HECTD2: variants seen among roughly 807,000 people sequenced by gnomAD.
HECTD2 encodes probable E3 ubiquitin-protein ligase HECTD2.
In HECTD2, 35 loss-of-function variants were observed where a neutral mutation model predicts 103.2. The observed-to-expected ratio is 0.34, with a 90% confidence interval of 0.26 to 0.45. The LOEUF (loss-of-function observed/expected upper bound fraction) is 0.45, where lower values mean the gene tolerates loss of function less well. Ranked by LOEUF, HECTD2 falls within the 20% of genes least tolerant of loss-of-function variation. The pLI, the probability that HECTD2 is intolerant of heterozygous loss-of-function variation, is 1.00. For synonymous variants in HECTD2, 281 were observed against 329.9 expected (o/e 0.85, Z 1.61); for missense variants, 596 against 937.4 (o/e 0.64, Z 4.76).
rs1846467944 is a variant in HECTD2, at chr10:91,491,276, G to A, written c.1268G>A (p.Arg423Gln). 6.4e-7 allele frequency: 1 copy of A among 1,555,662 alleles called. No individual in the cohort carries two copies. The highest frequency in any genetic ancestry group is 8.8e-7 in the Non-Finnish European group (1 of 1,135,262). Residue 423 changes from arginine to glutamine, a missense_variant, in exon 12 of 21, where the codon CGG becomes CAG. Arg to Gln is a conservative substitution (Grantham distance 43). Around this residue, in one of 4 missense-constraint regions of HECTD2, gnomAD observed 303 missense variants for 522.5 expected, o/e 0.58. Transcript: ENST00000298068. The part of the protein sequence containing the change: ...NILFLNMKVR[R>Q]THLVSDSLDE... ...TTATTTCTAAATATGAAAGTAAGAC[G>A]GACACATCTGGTTAGCGATTCACTT...
intron 2 of HECTD2, among the ~76,000 whole-genome samples, chr10:91,427,898 A>G (rs1843643030): frequency 6.6e-6 from 1 of 151,370 alleles, no homozygotes; most frequent in Admixed American, 6.6e-5. Flanking sequence ...CCATTTGTCA[A>G]TTTTGTCTTT....
intron 2 of HECTD2, among the ~76,000 whole-genome samples, chr10:91,459,937 A>G (rs531163822): frequency 6.6e-6 from 1 of 152,256 alleles, no homozygotes; most frequent in East Asian, 1.9e-4. Context: ...GTAGTAGGCT[A>G]TACCATCTAG....
intron 2 of HECTD2, among the ~76,000 whole-genome samples, chr10:91,453,767 C>G (rs549348633): frequency 7.2e-5 from 11 of 152,058 alleles, no homozygotes; most frequent in Admixed American, 5.2e-4. Flanking sequence ...AAACATGACC[C>G]AACTGTTTTC....
Position 91,425,338 on chromosome 10 carries a change from G to A in HECTD2, c.196G>A (p.Val66Ile). 1.3e-6 allele frequency: 2 copies of A among 1,547,718 alleles called. No homozygotes were observed. Among genetic ancestry groups the A allele is most frequent in the Non-Finnish European group, 1.8e-6 (2 of 1,140,684 alleles). Residue 66 changes from valine to isoleucine, a missense_variant, in exon 2 of 21, where the codon GTT becomes ATT. By Grantham distance (29) the Val-to-Ile change is conservative (BLOSUM62 3). Transcript: ENST00000298068. The part of the protein sequence containing the change: ...ISTFSSFISA[V>I]SPKKEAAENR... ...CACTTTCAGCAGTTTTATTTCAGCT[G>A]TTAGCCCGAAGAAAGAAGCTGCTGA...
intron 14 of HECTD2, among the ~76,000 whole-genome samples, chr10:91,495,485 A>C (rs1846633023): frequency 6.6e-6 from 1 of 152,080 alleles, no homozygotes. Context: ...ATGATCCTAT[A>C]AAATGAATTA....
chr10:91,437,382 A>T (rs1258007477), intron 2 of HECTD2, among the ~76,000 whole-genome samples: 1 of 152,048 alleles, frequency 6.6e-6, no homozygotes, highest in African/African-American at 2.4e-5. Flanking sequence ...TGGTGACGGA[A>T]TTCCAAAGAC....
chr10:91,428,518 G>T (rs1589468064), intron 2 of HECTD2, among the ~76,000 whole-genome samples: 1 of 151,048 alleles, frequency 6.6e-6, no homozygotes, highest in Non-Finnish European at 1.5e-5. Flanking sequence ...AGCATGGAAT[G>T]TTCTTCCATT....
At chr10:91,505,460 AG>A (rs1450012072) in intron 20 of HECTD2, among the ~76,000 whole-genome samples, 1 of 151,768 alleles carries the variant, frequency 6.6e-6, no homozygotes, top group Non-Finnish European at 1.5e-5. Flanking sequence ...AAAAAAAGGC[AG>A]GGGTTGCAAT....
Position 91,410,503 on chromosome 10 carries a change from A to T in HECTD2, c.65A>T (p.Glu22Val), listed in dbSNP as rs774014090. ...CTGGTGGTGGCGGCGCCCGCGCCTG[A>T]GGAGAGGAAAGGGAAGGAGTCAGAG... Reference protein sequence around the residue: ...TPLVVAAPAPEERKGKESERE... With the variant: ...TPLVVAAPAPVERKGKESERE... Residue 22 changes from glutamate to valine, a missense_variant, in exon 1 of 21, where the codon GAG (glutamate) becomes GTG (valine). Physicochemically the swap from Glu to Val is moderately radical, Grantham distance 121. Around this residue, in one of 4 missense-constraint regions of HECTD2, gnomAD observed 220 missense variants for 233.9 expected, o/e 0.94. Transcript: ENST00000298068. 6.8e-7 allele frequency: 1 copy of T among 1,474,184 alleles called. No homozygotes were observed. The highest frequency in any genetic ancestry group is 2.9e-5 in the East Asian group (1 of 34,288). The allele number at this position is 1,474,184 out of a possible 1,614,324, so 91.3% of individuals were successfully genotyped here. A position where few individuals can be genotyped will look rare whatever the true frequency, so the allele number is the denominator to read the frequency against.
intron 2 of HECTD2, among the ~76,000 whole-genome samples, chr10:91,440,336 G>C (rs1434234154): frequency 6.6e-6 from 1 of 152,072 alleles, no homozygotes; most frequent in Non-Finnish European, 1.5e-5. Flanking sequence ...TGAGAAAATT[G>C]TGTGGTTTTT....
chr10:91,427,783 TC>T (rs1216634595), intron 2 of HECTD2, among the ~76,000 whole-genome samples: 1 of 152,162 alleles, frequency 6.6e-6, no homozygotes, highest in Non-Finnish European at 1.5e-5. Context: ...GAAAATTTTC[TC>T]CCATTTTGTA....
At chr10:91,473,506 AAG>A (rs1252481806) in intron 5 of HECTD2, among the ~76,000 whole-genome samples, 2 of 152,136 alleles carry the variant, frequency 1.3e-5, no homozygotes, top group Non-Finnish European at 2.9e-5. Context: ...AATGATGAAA[AAG>A]AAATTCATAA....
At chr10:91,499,824 G>T (rs1224035880) in intron 18 of HECTD2, among the ~76,000 whole-genome samples, 3 of 152,148 alleles carry the variant, frequency 2.0e-5, no homozygotes, top group Non-Finnish European at 4.4e-5. Flanking sequence ...GAGAGAAATG[G>T]ACTATAGAAG....
intron 1 of HECTD2, among the ~76,000 whole-genome samples, chr10:91,416,332 A>G (rs1843126146): frequency 6.6e-6 from 1 of 152,254 alleles, no homozygotes; most frequent in Admixed American, 6.5e-5. Flanking sequence ...CAAAGCACTC[A>G]GTGTTAGATG....
chr10:91,492,115 G>A (rs540434378), intron 12 of HECTD2, among the ~76,000 whole-genome samples: 2 of 152,218 alleles, frequency 1.3e-5, no homozygotes, highest in South Asian at 4.1e-4. Context: ...GTAGATACCA[G>A]GAGGTAGTAC....
chr10:91,412,965 C>G (rs913154287), intron 1 of HECTD2, among the ~76,000 whole-genome samples: 1 of 151,920 alleles, frequency 6.6e-6, no homozygotes, highest in African/African-American at 2.4e-5. Flanking sequence ...AAATAGAGCT[C>G]CTAGAGGTTT....
At chr10:91,490,856 A>G (rs1479061969) in intron 11 of HECTD2, among the ~76,000 whole-genome samples, 19 of 133,258 alleles carry the variant, frequency 1.4e-4, no homozygotes, top group Admixed American at 1.3e-3. Context: ...GCGCCACTGC[A>G]GTCCAGCTTG....
chr10:91,459,529 A>C (rs1408614001), intron 2 of HECTD2, among the ~76,000 whole-genome samples: 1 of 152,074 alleles, frequency 6.6e-6, no homozygotes, highest in Non-Finnish European at 1.5e-5. Context: ...AACTTGGATG[A>C]ATCTCCAGAA....
At chr10:91,430,863 C>T (rs1013965946) in intron 2 of HECTD2, among the ~76,000 whole-genome samples, 2 of 151,800 alleles carry the variant, frequency 1.3e-5, no homozygotes, top group African/African-American at 4.9e-5. Flanking sequence ...TTAATTGGAG[C>T]ATTTAGTCTA....
Sources: allele counts gnomAD v4.1 joint callset (sites outside exome capture counted in the v4.1 genomes callset), GRCh38; gene constraint gnomAD v4.1.1; regional missense constraint gnomAD v4.1.1; transcripts MANE v1.5; gene names NCBI Gene and HGNC (gene_info 2026-07-23, HGNC 2026-07-21).